Variants in MPND observed in about 807,000 individuals in gnomAD.
The protein encoded by MPND is MPN domain-containing protein.
A neutral mutation model predicts 59.2 loss-of-function variants in MPND; 56 were observed. The observed-to-expected ratio is 0.95, with a 90% CI of 0.76 to 1.18. The LOEUF (loss-of-function observed/expected upper bound fraction) is 1.18, where lower values mean the gene tolerates loss of function less well. MPND is among the 50% of genes most tolerant of loss of function. The pLI is 0.00. For synonymous variants in MPND, 323 were observed against 291.9 expected, an observed-to-expected ratio of 1.11 and a Z score of -1.09; for missense variants, 671 against 676.0, an observed-to-expected ratio of 0.99 and a Z score of 0.08.
intron 12 of MPND, among the ~76,000 whole-genome samples, 156 bp downstream of exon 12, chr19:4,359,411 C>T (rs922267211): frequency 6.6e-6 from 1 of 152,154 alleles, no homozygotes; most frequent in African/African-American, 2.4e-5. Context: ...GCCACCCCAG[C>T]AGGGTGCAGG....
intron 8 of MPND, among the ~76,000 whole-genome samples, 155 bp downstream of exon 8, chr19:4,355,328 G>A (rs1309225154): frequency 7.1e-6 from 1 of 140,644 alleles, no homozygotes; most frequent in Admixed American, 7.9e-5. Context: ...GAAGGGTGAA[G>A]AACACTGCTT....
At chr19:4,350,271 A>T (rs1972286748) in intron 3 of MPND, among the ~76,000 whole-genome samples, 1 of 151,924 alleles carries the variant, frequency 6.6e-6, no homozygotes, top group South Asian at 2.1e-4. Context: ...AGAGAGAAGG[A>T]GGTGGGGAGG....
intron 1 of MPND, 53 bp from the exon 2 acceptor site, chr19:4,343,655 G>GGCTGCAGGGGCGCGGA: frequency 8.3e-7 from 1 of 1,202,224 alleles, no homozygotes; most frequent in Admixed American, 4.4e-5. Context: ...AGGGGCGCGG[G>GGCTGCAGGGGCGCGGA]GCTGCAGAGC....
At chr19:4,355,061 C>CCGGGGTCA in intron 7 of MPND, 36 bp from the exon 8 acceptor site, 1 of 1,613,046 alleles carries the variant, frequency 6.2e-7, no homozygotes, top group Non-Finnish European at 8.5e-7. Flanking sequence ...CGTTGGAGGA[C>CCGGGGTCA]CGGGGTCACG....
intron 9 of MPND, 35 bp downstream of exon 9, chr19:4,357,456 G>C (rs765037221): frequency 2.5e-5 from 41 of 1,609,616 alleles, no homozygotes; most frequent in Middle Eastern, 3.3e-4. Flanking sequence ...GAGCAAGGAG[G>C]GGGGATGCTG....
At chr19:4,353,927 C>T in intron 4 of MPND, 118 bp from the exon 5 acceptor site, 1 of 835,930 alleles carries the variant, frequency 1.2e-6, no homozygotes, top group South Asian at 1.6e-5. Context: ...CTCCCATGCT[C>T]AAGCGATCCT....
At chr19:4,351,631 GA>G (rs1972318223) in intron 3 of MPND, among the ~76,000 whole-genome samples, 1 of 151,920 alleles carries the variant, frequency 6.6e-6, no homozygotes, top group African/African-American at 2.4e-5. Context: ...GGGTGGCCGA[GA>G]TGGGCAAATC....
rs560474189 is a variant in MPND, at chr19:4,358,190, C to T, written c.1326+18C>T. ...ACGAGATGGTGAGCTCGCTGCGGGG[C>T]GGGCAGGCAGGGGCTGGCAGTGCGC... On this transcript the variant is annotated intron_variant, in intron 11 of 12. Transcript: ENST00000599840. 4.1e-5 allele frequency: 64 copies of T among 1,547,924 alleles called. 2 individuals are homozygous for T. The South Asian group carries it at 4.8e-4, about 12-fold the overall frequency.
chr19:4,358,609 G>A (rs907009654), intron 11 of MPND, among the ~76,000 whole-genome samples: 1 of 152,196 alleles, frequency 6.6e-6, no homozygotes, highest in East Asian at 1.9e-4. Flanking sequence ...CCAACATGGC[G>A]AAACCCTGTC....
chr19:4,357,112 G>GT, intron 8 of MPND, 141 bp from the exon 9 acceptor site: 1 of 801,114 alleles, frequency 1.2e-6, no homozygotes, highest in Non-Finnish European at 1.8e-6. Context: ...CTCAGTGGCG[G>GT]TGGGGGCAGG....
At chr19:4,354,220 C>T (rs1416073637) in intron 5 of MPND, 91 bp downstream of exon 5, 1 of 1,501,840 alleles carries the variant, frequency 6.7e-7, no homozygotes, top group Non-Finnish European at 9.1e-7. Context: ...GGGGGTGGGA[C>T]AGAGCCTCAG....
intron 2 of MPND, among the ~76,000 whole-genome samples, chr19:4,344,739 T>C (rs1972146574): frequency 6.7e-6 from 1 of 148,226 alleles, no homozygotes; most frequent in African/African-American, 2.5e-5. Flanking sequence ...TTAGTACTTT[T>C]TTTTTTTTTT....
At chr19:4,353,761 T>A in intron 4 of MPND, 1 of 347,608 alleles carries the variant, frequency 2.9e-6, no homozygotes, top group Non-Finnish European at 5.3e-6. Flanking sequence ...CGAGATCTCA[T>A]CATCTTGCCC....
At position 4,358,169 on chromosome 19, in the gene MPND, G is replaced by A. The variant is rs45561032; in HGVS notation, c.1323G>A (p.Glu441=). 122 of 1,551,200 alleles carry A rather than the reference G, an allele frequency of 7.9e-5. No homozygotes were observed. Among genetic ancestry groups the A allele is most frequent in the Non-Finnish European group, 1.0e-4 (120 of 1,146,894 alleles). ...TCCTGACCAATGACATCCTTCACGA[G>A]ATGGTGAGCTCGCTGCGGGGCGGGC... ...DSFLTNDILH[E]MMLLVEFYKG... The change falls in exon 11 of 13, where the codon GAG becomes GAA. Residue 441 remains glutamate (E), a synonymous_variant. Transcript: ENST00000599840.
chr19:4,350,261 A>G (rs1197552375), intron 3 of MPND, among the ~76,000 whole-genome samples: 2 of 151,914 alleles, frequency 1.3e-5, no homozygotes, highest in African/African-American at 4.8e-5. Flanking sequence ...TGAGTAAGGG[A>G]GAGAGAAGGA....
At chr19:4,359,860 C>A in intron 12 of MPND, 56 bp from the exon 13 acceptor site, 1 of 1,413,846 alleles carries the variant, frequency 7.1e-7, no homozygotes. Flanking sequence ...GACTGTGAGG[C>A]GCAGGGCTGG....
intron 3 of MPND, among the ~76,000 whole-genome samples, chr19:4,349,224 A>G (rs1972259064): frequency 1.3e-5 from 2 of 150,958 alleles, no homozygotes; most frequent in Admixed American, 6.6e-5. Flanking sequence ...CGCGCCACCA[A>G]GCTCAGCTGA....
chr19:4,343,678 G>GGCCTCCCT (rs1972119250), intron 1 of MPND, 30 bp from the exon 2 acceptor site: 1 of 1,199,368 alleles, frequency 8.3e-7, no homozygotes, highest in African/African-American at 1.6e-5. Context: ...TGGGGCGAGC[G>GGCCTCCCT]GCCTCCCTGC....
chr19:4,352,842 G>GGT (rs1972350415), intron 3 of MPND, 55 bp from the exon 4 acceptor site: 23 of 1,299,052 alleles, frequency 1.8e-5, no homozygotes, highest in Non-Finnish European at 2.3e-5. Flanking sequence ...AGCAGGGAGC[G>GGT]GGGGGGCACC....
Sources: gnomAD v4.1 joint callset for allele counts (sites outside exome capture counted in the v4.1 genomes callset) on GRCh38, gnomAD v4.1.1 for gene constraint, MANE v1.5 for transcripts, NCBI Gene and HGNC (gene_info 2026-07-23, HGNC 2026-07-21) for gene names.